Variants in MYO16 observed in about 807,000 individuals in gnomAD.
MYO16 encodes the protein unconventional myosin-XVI.
In MYO16, 94 loss-of-function variants were observed where a neutral mutation model predicts 205.3. That is an observed-to-expected ratio of 0.46 (90% confidence interval 0.39 to 0.54). MYO16 has a LOEUF of 0.54. MYO16 is among the 20% of genes least tolerant of loss of function. The pLI is 0.00. For missense variants in MYO16, 2,315 were observed against 2,387.5 expected (o/e 0.97, Z 0.63); for synonymous variants, 988 against 954.0 (o/e 1.04, Z -0.66).
chr13:108,913,460 T>A (rs1566408112), intron 16 of MYO16, among the ~76,000 whole-genome samples: 2 of 152,348 alleles, frequency 1.3e-5, no homozygotes, highest in East Asian at 3.9e-4. Context: ...TCATATTTGT[T>A]TAATGTTTAA....
intron 1 of MYO16, among the ~76,000 whole-genome samples, chr13:108,657,041 C>T (rs571325550): frequency 6.6e-6 from 1 of 152,338 alleles, no homozygotes; most frequent in Admixed American, 6.5e-5. Flanking sequence ...GCAGCTGAAG[C>T]TTCCAGGCCT....
intron 1 of MYO16, among the ~76,000 whole-genome samples, chr13:108,620,756 T>C (rs1879511664): frequency 1.3e-5 from 2 of 152,244 alleles, no homozygotes; most frequent in Non-Finnish European, 2.9e-5. Context: ...TTCCTCGCCC[T>C]TGGGGGCCTT....
intron 2 of MYO16, among the ~76,000 whole-genome samples, chr13:108,694,853 C>T (rs1883029005): frequency 6.6e-6 from 1 of 152,156 alleles, no homozygotes; most frequent in African/African-American, 2.4e-5. Flanking sequence ...TGGCTTACAC[C>T]TATAATCCCA....
chr13:108,593,098 A>C (rs1284019441), upstream of MYO16, among the ~76,000 whole-genome samples: 1 of 152,170 alleles, frequency 6.6e-6, no homozygotes. Flanking sequence ...TTTCAATGTC[A>C]TCTGTGAGGG....
chr13:109,152,573 A>C (rs2139838598), intron 32 of MYO16, among the ~76,000 whole-genome samples: 1 of 152,332 alleles, frequency 6.6e-6, no homozygotes, highest in South Asian at 2.1e-4. Context: ...GGGATCATAA[A>C]AACGTCTTTT....
intron 23 of MYO16, among the ~76,000 whole-genome samples, chr13:109,020,959 G>C (rs929826878): frequency 2.0e-5 from 3 of 152,130 alleles, no homozygotes; most frequent in Non-Finnish European, 4.4e-5. Context: ...TATGAATAAT[G>C]TATTACATTG....
intron 9 of MYO16, among the ~76,000 whole-genome samples, chr13:108,826,157 C>T (rs1367812163): frequency 2.0e-5 from 3 of 152,064 alleles, no homozygotes; most frequent in African/African-American, 4.8e-5. Flanking sequence ...AGAACTCACA[C>T]AACCCTATTT....
Position 109,039,913 on chromosome 13 carries a change from A to G in MYO16, c.2797-7003A>G, listed in dbSNP as rs1321871113. 2.0e-5 allele frequency among the ~76,000 whole-genome samples: 3 copies of G among 152,176 alleles called. No individual in the cohort carries two copies. In the East Asian group the frequency reaches 5.8e-4, roughly 29 times the overall value. On this transcript the variant is annotated intron_variant, in intron 23 of 34. Coordinates refer to ENST00000457511, the MANE Select transcript of MYO16 (RefSeq NM_001198950.3). ...GAGCTGGTTCTTTGAAAACACCAAT[A>G]AAAATTATAAACCTATAATATGAGT...
At chr13:108,625,937 G>T (rs1157500273), upstream of MYO16, among the ~76,000 whole-genome samples, 1 of 152,170 alleles carries the variant, frequency 6.6e-6, no homozygotes, top group African/African-American at 2.4e-5. Context: ...GTTTTACATT[G>T]TCCAAATAGG....
At chr13:108,664,672 A>T (rs371004595) in intron 1 of MYO16, among the ~76,000 whole-genome samples, 1 of 152,242 alleles carries the variant, frequency 6.6e-6, no homozygotes, top group African/African-American at 2.4e-5. Context: ...GATATCATAA[A>T]TAGCTTAAGA....
chr13:108,799,249 T>A (rs1886897478), intron 6 of MYO16, among the ~76,000 whole-genome samples: 1 of 152,172 alleles, frequency 6.6e-6, no homozygotes, highest in East Asian at 1.9e-4. Context: ...AAGTCAGGAG[T>A]TGTAGAAGTT....
the MYO16 span, among the ~76,000 whole-genome samples, chr13:108,569,655 G>A: frequency 2.6e-5 from 4 of 151,722 alleles, no homozygotes; most frequent in African/African-American, 7.3e-5. Context: ...TTATCTAATC[G>A]TCCTGGCTGG....
At chr13:109,196,850 C>T (rs560496751) in intron 34 of MYO16, among the ~76,000 whole-genome samples, 25 of 152,260 alleles carry the variant, frequency 1.6e-4, no homozygotes, top group African/African-American at 4.6e-4. Context: ...TGAATGTCAA[C>T]TTTAAAAATA....
chr13:108,531,522 G>C, the MYO16 span, among the ~76,000 whole-genome samples: 18 of 152,068 alleles, frequency 1.2e-4, no homozygotes, highest in Non-Finnish European at 2.5e-4. Context: ...ATAGGAAGGA[G>C]GATGACCCTG....
intron 4 of MYO16, among the ~76,000 whole-genome samples, chr13:108,739,873 C>A (rs988044504): frequency 2.0e-5 from 3 of 152,180 alleles, no homozygotes; most frequent in Admixed American, 2.0e-4. Flanking sequence ...CTTCTCACTT[C>A]ATTTCATTCA....
intron 20 of MYO16, among the ~76,000 whole-genome samples, chr13:108,965,705 C>T (rs1883767427): frequency 6.6e-6 from 1 of 152,184 alleles, no homozygotes; most frequent in African/African-American, 2.4e-5. Context: ...TGCGCCCGGC[C>T]CCTAAACATC....
rs112331764 is a variant in MYO16, at chr13:108,634,390, A to G, written c.28+4518A>G. Among the ~76,000 whole-genome samples the G allele has an allele frequency of 2.0e-4, 30 of 152,134 alleles. 2 individuals are homozygous for G. Among genetic ancestry groups the G allele is most frequent in the African/African-American group, 6.7e-4 (28 of 41,502 alleles). ...CTCCTTCTGCCTCCTGCAAGCTTGCATTTCCCTTCAGCTCTCCCCTTTCTC... is the reference window on the plus strand; with the variant it reads ...CTCCTTCTGCCTCCTGCAAGCTTGCGTTTCCCTTCAGCTCTCCCCTTTCTC... On this transcript the variant is annotated intron_variant, in intron 1 of 34. Transcript: ENST00000457511.
intron 10 of MYO16, among the ~76,000 whole-genome samples, chr13:108,847,279 A>G (rs2139079491): frequency 6.6e-6 from 1 of 152,314 alleles, no homozygotes; most frequent in South Asian, 2.1e-4. Flanking sequence ...AATTGTAACC[A>G]TGCTCTATTT....
intron 15 of MYO16, among the ~76,000 whole-genome samples, chr13:108,906,080 C>G (rs1012739306): frequency 1.4e-4 from 21 of 152,098 alleles, no homozygotes; most frequent in African/African-American, 5.1e-4. Flanking sequence ...TAACCATCAC[C>G]CCAAACTCTT....
Sources: allele counts gnomAD v4.1 joint callset (sites outside exome capture counted in the v4.1 genomes callset), GRCh38; gene constraint gnomAD v4.1.1; transcripts MANE v1.5; gene names NCBI Gene and HGNC (gene_info 2026-07-23, HGNC 2026-07-21).